The following SMYD4 variants were observed in gnomAD, a reference collection of about 807,000 sequenced individuals.
The protein encoded by SMYD4 is SET and MYND domain containing 4.
A neutral mutation model predicts 72.8 loss-of-function variants in SMYD4; 68 were observed. The observed-to-expected ratio is 0.93, with a 90% CI of 0.77 to 1.14. The LOEUF (loss-of-function observed/expected upper bound fraction) is 1.14, where lower values mean the gene tolerates loss of function less well. Ranked by LOEUF, SMYD4 falls within the 50% of genes most tolerant of loss-of-function variation. The pLI is 0.00. For missense variants in SMYD4, 984 were observed against 1,003.7 expected, an observed-to-expected ratio of 0.98 and a Z score of 0.27; for synonymous variants, 407 against 388.6, an observed-to-expected ratio of 1.05 and a Z score of -0.56.
intron 5 of SMYD4, among the ~76,000 whole-genome samples, chr17:1,796,214 G>A (rs1413976512): frequency 1.3e-5 from 2 of 151,140 alleles, no homozygotes; most frequent in East Asian, 1.9e-4. Flanking sequence ...TCTCACTGAA[G>A]CCTCGAACTC....
At chr17:1,784,254 C>T in intron 8 of SMYD4, 72 bp downstream of exon 8, 1 of 1,601,576 alleles carries the variant, frequency 6.2e-7, no homozygotes, top group Non-Finnish European at 8.5e-7. Flanking sequence ...CTGAGTATCC[C>T]TGAGTCCAAA....
intron 2 of SMYD4, among the ~76,000 whole-genome samples, chr17:1,826,518 A>AAAAAAAAAAAAAAAAAAAAAAG: frequency 7.3e-6 from 1 of 136,978 alleles, no homozygotes. Flanking sequence ...AAAAAAAAAA[A>AAAAAAAAAAAAAAAAAAAAAAG]GAAAAGAAAA....
intron 3 of SMYD4, among the ~76,000 whole-genome samples, chr17:1,808,233 G>C (rs1278075809): frequency 1.3e-5 from 2 of 152,174 alleles, no homozygotes; most frequent in East Asian, 1.9e-4. Context: ...CCAACATTAG[G>C]AGATGTGAAA....
intron 5 of SMYD4, among the ~76,000 whole-genome samples, chr17:1,798,257 A>G (rs1276814255): frequency 2.0e-5 from 3 of 151,418 alleles, no homozygotes; most frequent in East Asian, 2.0e-4. Flanking sequence ...CAGCCTCCCA[A>G]GTGGCTGGGA....
Position 1,786,803 on chromosome 17 carries a change from G to T in SMYD4, c.1884+7C>A. 6.2e-7 allele frequency: 1 copy of T among 1,614,094 alleles called. No homozygotes were observed. Among genetic ancestry groups the T allele is most frequent in the Non-Finnish European group, 8.5e-7 (1 of 1,179,994 alleles). ...GGAAAAGTGGAGGAGACAGAAGAGA[G>T]AATTACCTGCATGGGCGCTCCGCAA... On this transcript the variant is annotated splice_region_variant and intron_variant, in intron 7 of 10. Transcript: ENST00000305513.
rs746838274 is a variant in SMYD4 at position 1,784,414 on chromosome 17, G to A, written c.1932C>T (p.Ala644=). 46 of 1,614,000 alleles carry A rather than the reference G, an allele frequency of 2.9e-5. No individual in the cohort carries two copies. The highest frequency in any genetic ancestry group is 1.3e-4 in the South Asian group (12 of 91,076). The change falls in exon 8 of 11, where the codon GCC becomes GCT. Residue 644 remains alanine, a synonymous_variant. Coordinates refer to ENST00000305513, the MANE Select transcript of SMYD4 (RefSeq NM_052928.3). ...RCGSRSCAES[A]VSRDHLVSRL... ...GAGAGACCAGGTGGTCCCTGCTGAC[G>A]GCGGATTCTGCACAAGATCTGCTGC...
In SMYD4 at chr17:1,802,040, CA is replaced by C. The variant is rs1399335669; in HGVS notation, c.370-1017del. Among the ~76,000 whole-genome samples, 5 of 152,070 alleles carry C rather than the reference CA, an allele frequency of 3.3e-5. No individual in the cohort carries two copies. In the East Asian group the frequency reaches 9.6e-4, roughly 29 times the overall value. On this transcript the variant is annotated intron_variant, in intron 4 of 10. Coordinates refer to ENST00000305513, the MANE Select transcript of SMYD4 (RefSeq NM_052928.3). The stretch of plus-strand genomic sequence containing the variant: ...CTCTTACTAGCCACATGACCTTGTG[CA>C]ATCGACTTAATTTCTGTGTCTTAAT...
At chr17:1,803,530 T>C (rs1202455012) in intron 4 of SMYD4, among the ~76,000 whole-genome samples, 1 of 152,158 alleles carries the variant, frequency 6.6e-6, no homozygotes, top group African/African-American at 2.4e-5. Context: ...AGTCCTGTCT[T>C]ACCCAAGCTG....
At chr17:1,802,955 C>T (rs1909843406) in intron 4 of SMYD4, among the ~76,000 whole-genome samples, 1 of 152,136 alleles carries the variant, frequency 6.6e-6, no homozygotes, top group Non-Finnish European at 1.5e-5. Context: ...AGTTTGAGAC[C>T]AGCCTGACCA....
rs1226883815 is a variant in SMYD4, at chr17:1,794,081, GTATATA to G, written c.1537+5770_1537+5775del. Among the ~76,000 whole-genome samples, 91 of 17,120 alleles carry G rather than the reference GTATATA, an allele frequency of 5.3e-3. 6 individuals carry two copies. The highest frequency in any genetic ancestry group is 0.02 in the African/African-American group (81 of 4,062). The allele number at this position is 17,120 out of a possible 152,430, so 11.2% of individuals were successfully genotyped here. ...TGTATATATATGTGTATATATATGT[GTATATA>G]TATATATATATATATATATTTTTTT... On this transcript the variant is annotated intron_variant, in intron 5 of 10. Transcript: ENST00000305513.
At chr17:1,803,917 C>T (rs1404391632) in intron 4 of SMYD4, among the ~76,000 whole-genome samples, 1 of 150,040 alleles carries the variant, frequency 6.7e-6, no homozygotes, top group Non-Finnish European at 1.5e-5. Flanking sequence ...GAGTCTGTTG[C>T]CAGGCTGGAG....
chr17:1,791,614 T>C (rs1330731630), intron 5 of SMYD4, among the ~76,000 whole-genome samples: 1 of 152,066 alleles, frequency 6.6e-6, no homozygotes, highest in African/African-American at 2.4e-5. Flanking sequence ...TGAACCTTGC[T>C]GGTGGGCGCG....
chr17:1,791,009 C>A (rs1436414698), intron 5 of SMYD4, among the ~76,000 whole-genome samples: 1 of 149,984 alleles, frequency 6.7e-6, no homozygotes, highest in Non-Finnish European at 1.5e-5. Context: ...CGCCTGTAGT[C>A]CCAGCTACTC....
In SMYD4 at chr17:1,823,600, C is replaced by T. The variant is rs187770058; in HGVS notation, c.134+4261G>A. On this transcript the variant is annotated intron_variant, in intron 2 of 10. Transcript: ENST00000305513. ...TTCAAGTACCCTTTCTCTCTACTTC[C>T]GGTAAATCTCAGTGGGGAATCCATT... Among the ~76,000 whole-genome samples, 224 of 152,198 alleles carry T rather than the reference C, an allele frequency of 1.5e-3. 1 individual carries two copies. The highest frequency in any genetic ancestry group is 5.2e-3 in the African/African-American group (216 of 41,520).
At chr17:1,819,900 G>A (rs185223321) in intron 2 of SMYD4, among the ~76,000 whole-genome samples, 4 of 152,120 alleles carry the variant, frequency 2.6e-5, no homozygotes, top group Admixed American at 2.0e-4. Flanking sequence ...CAATTCTTCT[G>A]CCTCAGCCTC....
At chr17:1,808,727 TGAA>T (rs1939413592) in intron 3 of SMYD4, among the ~76,000 whole-genome samples, 1 of 152,194 alleles carries the variant, frequency 6.6e-6, no homozygotes, top group Non-Finnish European at 1.5e-5. Context: ...CTGTTTTCCT[TGAA>T]GAACTTCCCA....
chr17:1,790,464 G>A (rs1416561542), intron 5 of SMYD4, among the ~76,000 whole-genome samples: 1 of 152,092 alleles, frequency 6.6e-6, no homozygotes, highest in Non-Finnish European at 1.5e-5. Context: ...AAAATAAAGA[G>A]GGAGTGATTC....
intron 4 of SMYD4, among the ~76,000 whole-genome samples, chr17:1,802,837 T>G (rs933942467): frequency 1.3e-5 from 2 of 152,218 alleles, no homozygotes; most frequent in African/African-American, 4.8e-5. Context: ...TAATCCGATT[T>G]TGGTCACTTC....
At chr17:1,788,443 C>T (rs62086360) in intron 5 of SMYD4, among the ~76,000 whole-genome samples, 41,158 of 151,930 alleles carry the variant, frequency 0.27, 6,181 homozygotes, top group East Asian at 0.37. Flanking sequence ...CCATAGTTTA[C>T]TTTAAAATTT....
Sources: gnomAD v4.1 joint callset for allele counts (sites outside exome capture counted in the v4.1 genomes callset) on GRCh38, gnomAD v4.1.1 for gene constraint, MANE v1.5 for transcripts, NCBI Gene and HGNC (gene_info 2026-07-23, HGNC 2026-07-21) for gene names.